The following GSDMA variants were observed in gnomAD, a reference collection of about 807,000 sequenced individuals.
GSDMA encodes gasdermin-A.
A neutral mutation model predicts 54.3 loss-of-function variants in GSDMA; 55 were observed. That is an observed-to-expected ratio of 1.01 (90% CI 0.82 to 1.27). GSDMA has a LOEUF of 1.27. GSDMA is among the 50% of genes most tolerant of loss of function. The pLI is 0.00. For missense variants in GSDMA, 542 were observed against 542.6 expected, an observed-to-expected ratio of 1.00 and a Z score of 0.01; for synonymous variants, 211 against 224.7, an observed-to-expected ratio of 0.94 and a Z score of 0.54.
intron 4 of GSDMA, 132 bp downstream of exon 4, chr17:39,970,779 A>T: frequency 1.2e-5 from 8 of 672,496 alleles, no homozygotes; most frequent in Non-Finnish European, 1.6e-5. Context: ...AGGATGCTGA[A>T]AAGGGCCACT....
chr17:39,972,056 G>A (rs1171280374), intron 5 of GSDMA, 73 bp from the exon 6 acceptor site: 2 of 1,044,256 alleles, frequency 1.9e-6, no homozygotes, highest in African/African-American at 1.6e-5. Context: ...GAGCCCTTTG[G>A]CTTGAGACTG....
intron 1 of GSDMA, among the ~76,000 whole-genome samples, chr17:39,965,163 GGGAAGGAAGGAAGGGAA>G (rs1416572141): frequency 6.8e-6 from 1 of 146,650 alleles, no homozygotes; most frequent in Non-Finnish European, 1.5e-5. Flanking sequence ...GCGAGGTGGA[GGGAAGGAAGGAAGGGAA>G]GGAAGGAAGG....
chr17:39,976,850 A>T lies in GSDMA; in HGVS notation c.1130A>T (p.Asp377Val). The change falls in exon 12 of 12, where the codon GAT (aspartate) becomes GTT (valine). Residue 377 changes from aspartate (D) to valine (V), a missense_variant. Coordinates refer to ENST00000301659, the MANE Select transcript of GSDMA (RefSeq NM_178171.5). ...ACGATGGAACAGAACTTCCTGCTGG[A>T]TAAAGAGGGTGTTTTCCCCCTGCAA... is the stretch of plus-strand genomic sequence containing the variant. ...ESTMEQNFLL[D>V]KEGVFPLQPE... 6.2e-7 allele frequency: 1 copy of T among 1,613,798 alleles called. No individual in the cohort carries two copies. Among genetic ancestry groups the T allele is most frequent in the East Asian group, 2.2e-5 (1 of 44,898 alleles).
chr17:39,973,924 A>T (rs1420045859), intron 8 of GSDMA, 94 bp downstream of exon 8: 1 of 1,193,700 alleles, frequency 8.4e-7, no homozygotes, highest in African/African-American at 1.5e-5. Flanking sequence ...TTGTCAGCTA[A>T]CTCATGGGAA....
At chr17:39,965,049 G>A (rs998891772) in intron 1 of GSDMA, among the ~76,000 whole-genome samples, 17 of 152,002 alleles carry the variant, frequency 1.1e-4, no homozygotes, top group South Asian at 4.2e-4. Flanking sequence ...AAGCCTTGGC[G>A]GTCAAGGCTG....
Position 39,965,714 on chromosome 17 carries a change from G to A in GSDMA, c.27G>A (p.Arg9=). The change falls in exon 2 of 12, where the codon CGG becomes CGA. Residue 9 remains arginine (R), a synonymous_variant. Transcript: ENST00000301659. ...TGACCATGTTTGAAAATGTCACCCG[G>A]GCCCTGGCCAGACAGCTAAACCCTC... MTMFENVT[R]ALARQLNPRG... is the part of the protein sequence containing the mutation. The A allele has an allele frequency of 1.2e-6, 2 of 1,610,004 alleles. No homozygotes were observed. The highest frequency in any genetic ancestry group is 1.7e-5 in the Admixed American group (1 of 59,428).
intron 7 of GSDMA, 72 bp from the exon 8 acceptor site, chr17:39,973,738 T>A: frequency 7.8e-7 from 1 of 1,283,924 alleles, no homozygotes; most frequent in South Asian, 1.3e-5. Context: ...TTCCTTAGTG[T>A]CTCAACCCCT....
rs773465099 is a variant in GSDMA, at chr17:39,971,632, C to T, written c.655+12C>T. ...CAAAGATGAGTGGGGTGAGCAGAGA[C>T]CCGCATGTTCTCCCCACAAGATGAG... On this transcript the variant is annotated intron_variant, in intron 5 of 11. Coordinates refer to ENST00000301659, the MANE Select transcript of GSDMA (RefSeq NM_178171.5). 1 of 1,590,192 alleles carries T rather than the reference C, an allele frequency of 6.3e-7. No homozygotes were observed.
intron 3 of GSDMA, among the ~76,000 whole-genome samples, chr17:39,967,734 G>A (rs1466331074): frequency 2.0e-5 from 3 of 151,522 alleles, no homozygotes; most frequent in African/African-American, 7.3e-5. Flanking sequence ...GTGCAGTGGT[G>A]CAATCTTGGC....
At chr17:39,974,563 A>C in intron 9 of GSDMA, 136 bp downstream of exon 9, 1 of 953,868 alleles carries the variant, frequency 1.0e-6, no homozygotes, top group Non-Finnish European at 1.5e-6. Context: ...CACCTTAGAT[A>C]CCTTCCCCAA....
intron 11 of GSDMA, among the ~76,000 whole-genome samples, chr17:39,976,365 G>C (rs557260353): frequency 1.1e-4 from 16 of 149,652 alleles, no homozygotes; most frequent in Admixed American, 9.5e-4. Flanking sequence ...CACAACCTCC[G>C]CCTCCCGGGT....
At position 39,976,846 on chromosome 17, in the gene GSDMA, C is replaced by T. The variant is rs1344805133; in HGVS notation, c.1126C>T (p.Leu376=). Residue 376 remains leucine (L), a synonymous_variant, in exon 12 of 12, where the codon CTG becomes TTG. Coordinates refer to ENST00000301659, the MANE Select transcript of GSDMA (RefSeq NM_178171.5). ...VESTMEQNFL[L]DKEGVFPLQP... Reference sequence around the variant, plus strand: ...GAGCACGATGGAACAGAACTTCCTGCTGGATAAAGAGGGTGTTTTCCCCCT... The same window carrying T: ...GAGCACGATGGAACAGAACTTCCTGTTGGATAAAGAGGGTGTTTTCCCCCT... 1 of 1,613,848 alleles carries T rather than the reference C, an allele frequency of 6.2e-7. No homozygotes were observed. Among genetic ancestry groups the T allele is most frequent in the African/African-American group, 1.3e-5 (1 of 74,894 alleles).
At chr17:39,964,425 CAG>C (rs1979543528) in intron 1 of GSDMA, among the ~76,000 whole-genome samples, 2 of 152,030 alleles carry the variant, frequency 1.3e-5, no homozygotes, top group African/African-American at 4.8e-5. Context: ...AAAAATTAGC[CAG>C]GCGTGGTGGC....
chr17:39,976,484 G>A (rs1333011397), intron 11 of GSDMA, among the ~76,000 whole-genome samples: 2 of 152,004 alleles, frequency 1.3e-5, no homozygotes, highest in Admixed American at 6.6e-5. Context: ...CACCATGTTG[G>A]CCAGGCTGGT....
chr17:39,971,693 C>T (rs1979950784), intron 5 of GSDMA, 73 bp downstream of exon 5: 1 of 1,111,748 alleles, frequency 9.0e-7, no homozygotes, highest in African/African-American at 1.5e-5. Flanking sequence ...CCCTGGTCCC[C>T]TCTTGCGGAA....
intron 3 of GSDMA, among the ~76,000 whole-genome samples, chr17:39,970,123 T>C (rs1598304485): frequency 1.4e-5 from 2 of 144,722 alleles, no homozygotes; most frequent in East Asian, 4.1e-4. Context: ...CCCAGAGAGA[T>C]GAATGGGGAG....
chr17:39,977,723 C>A lies in GSDMA; in HGVS notation c.*665C>A, dbSNP rs1025830355. ...CTCCTACTTATACTTCCCCAAAAAA[C>A]AAGCTTTACTGGAATTAATGGAAAA... is the stretch of plus-strand genomic sequence containing the variant. On this transcript the variant is annotated 3_prime_UTR_variant, in exon 12 of 12. Transcript: ENST00000301659. 6.6e-6 allele frequency: 1 copy of A among 152,128 alleles called. No individual in the cohort carries two copies. The highest frequency in any genetic ancestry group is 2.4e-5 in the African/African-American group (1 of 41,386). 9.4% of individuals were successfully genotyped at this position (152,128 alleles called of 1,614,324 possible).
intron 3 of GSDMA, among the ~76,000 whole-genome samples, chr17:39,970,168 G>C (rs965613596): frequency 3.9e-5 from 6 of 152,168 alleles, no homozygotes; most frequent in Non-Finnish European, 8.8e-5. Flanking sequence ...CCGAACTGGA[G>C]GAAAAGGGGG....
chr17:39,971,984 A>G, intron 5 of GSDMA, 145 bp from the exon 6 acceptor site: 1 of 609,296 alleles, frequency 1.6e-6, no homozygotes, highest in Non-Finnish European at 3.0e-6. Context: ...TGCTTCCAGC[A>G]ATGGAGGTTG....
Sources: allele counts gnomAD v4.1 joint callset (sites outside exome capture counted in the v4.1 genomes callset), GRCh38; gene constraint gnomAD v4.1.1; transcripts MANE v1.5; gene names NCBI Gene and HGNC (gene_info 2026-07-23, HGNC 2026-07-21).